FAM117B: variants seen among roughly 807,000 people sequenced by gnomAD.
FAM117B encodes the protein protein FAM117B.
A neutral mutation model predicts 52.8 loss-of-function variants in FAM117B; 22 were observed. The ratio of observed to expected loss-of-function variants is 0.42; its 90% CI spans 0.30 to 0.59. The LOEUF is 0.59. Among genes scored for constraint, FAM117B ranks in the 20% least tolerant of loss-of-function variants. FAM117B has a pLI of 0.22. For missense variants in FAM117B, 678 were observed against 802.6 expected (o/e 0.84, Z 1.88); for synonymous variants, 309 against 324.1 (o/e 0.95, Z 0.50).
intron 1 of FAM117B, among the ~76,000 whole-genome samples, chr2:202,645,634 C>G (rs565633227): frequency 6.7e-6 from 1 of 150,182 alleles, no homozygotes; most frequent in South Asian, 2.1e-4. Flanking sequence ...GACGGAGTCT[C>G]GCTCTGTCGC....
intron 1 of FAM117B, among the ~76,000 whole-genome samples, 181 bp downstream of exon 1, chr2:202,635,969 C>G (rs1436772205): frequency 1.3e-5 from 2 of 150,402 alleles, no homozygotes; most frequent in Non-Finnish European, 3.0e-5. Flanking sequence ...CCGGGCCTAC[C>G]CTACGCCCCG....
intron 1 of FAM117B, among the ~76,000 whole-genome samples, chr2:202,674,306 A>G (rs1416183482): frequency 6.6e-6 from 1 of 152,262 alleles, no homozygotes; most frequent in East Asian, 1.9e-4. Flanking sequence ...TGTGGAACAC[A>G]TAATAACGCT....
Position 202,706,848 on chromosome 2 carries a change from G to A in FAM117B, c.753+10816G>A, listed in dbSNP as rs559275311. Among the ~76,000 whole-genome samples, 11 of 152,150 alleles carry A rather than the reference G, an allele frequency of 7.2e-5. No individual in the cohort carries two copies. The East Asian group carries it at 2.1e-3, about 29-fold the overall frequency. On this transcript the variant is annotated intron_variant, in intron 2 of 7. Transcript: ENST00000392238. ...GAAATGTTAAAATCTTTTTTTGGGG[G>A]CCTAAATTCAGTGACTTCAGTGTAA...
At position 202,749,610 on chromosome 2, in the gene FAM117B, A is replaced by T. The variant is rs531719002; in HGVS notation, c.961-5928A>T. Reference sequence around the variant, plus strand: ...ATTTAATTTTCTTTCTTCACTGAATATTTTTTTTACTTTTGCAATAAAGAA... The same window carrying T: ...ATTTAATTTTCTTTCTTCACTGAATTTTTTTTTTACTTTTGCAATAAAGAA... On this transcript the variant is annotated intron_variant, in intron 4 of 7. Coordinates refer to ENST00000392238, the MANE Select transcript of FAM117B (RefSeq NM_173511.4). Among the ~76,000 whole-genome samples, 24 of 151,828 alleles carry T rather than the reference A, an allele frequency of 1.6e-4. 1 individual carries two copies. The South Asian group carries it at 2.7e-3, about 17-fold the overall frequency.
chr2:202,741,954 C>T (rs1691548830), intron 4 of FAM117B, among the ~76,000 whole-genome samples: 1 of 152,120 alleles, frequency 6.6e-6, no homozygotes, highest in African/African-American at 2.4e-5. Context: ...TTTACAGTAG[C>T]AGCAAAAACA....
chr2:202,749,688 G>A (rs1691692002), intron 4 of FAM117B, among the ~76,000 whole-genome samples: 1 of 152,208 alleles, frequency 6.6e-6, no homozygotes, highest in East Asian at 1.9e-4. Flanking sequence ...TGTACTTTGG[G>A]AGGTCAAGGC....
intron 1 of FAM117B, among the ~76,000 whole-genome samples, chr2:202,674,458 G>A (rs949852475): frequency 2.6e-5 from 4 of 152,194 alleles, no homozygotes; most frequent in African/African-American, 4.8e-5. Context: ...TTTGAACCAC[G>A]TCTGGATGGT....
intron 4 of FAM117B, among the ~76,000 whole-genome samples, chr2:202,744,146 C>A (rs1691593303): frequency 6.7e-6 from 1 of 148,806 alleles, no homozygotes; most frequent in Non-Finnish European, 1.5e-5. Context: ...GTAAGAGAAT[C>A]CCCGTCTGTC....
At chr2:202,707,435 G>A (rs955402654) in intron 2 of FAM117B, among the ~76,000 whole-genome samples, 1 of 152,026 alleles carries the variant, frequency 6.6e-6, no homozygotes, top group Non-Finnish European at 1.5e-5. Flanking sequence ...CAGGCATGGT[G>A]GCTTATGCCT....
chr2:202,736,533 G>C (rs1691439058), intron 4 of FAM117B, among the ~76,000 whole-genome samples: 1 of 152,170 alleles, frequency 6.6e-6, no homozygotes, highest in African/African-American at 2.4e-5. Flanking sequence ...GTTCGACGTA[G>C]ATGGATCACT....
intron 1 of FAM117B, among the ~76,000 whole-genome samples, chr2:202,677,689 G>C (rs1341234572): frequency 6.6e-6 from 1 of 152,136 alleles, no homozygotes; most frequent in African/African-American, 2.4e-5. Flanking sequence ...AATCTGGAGG[G>C]TAGGATTAAT....
At chr2:202,759,098 C>A (rs896906039) in intron 6 of FAM117B, 135 bp from the exon 7 acceptor site, 6 of 911,340 alleles carry the variant, frequency 6.6e-6, no homozygotes, top group Non-Finnish European at 9.7e-6. Context: ...ATTTATTTAA[C>A]AAACATTAAT....
chr2:202,741,404 A>C, intron 4 of FAM117B, among the ~76,000 whole-genome samples: 1 of 119,522 alleles, frequency 8.4e-6, no homozygotes. Context: ...GTGACAGAGC[A>C]AGACTCTGTC....
rs547070821 is a variant in FAM117B, at chr2:202,724,150, C to T, written c.754-767C>T. The stretch of plus-strand genomic sequence containing the variant: ...TCGGCTCACTGCAATCTCCACCTCC[C>T]GGGTTCAAGCGATTCTCCTGCCTCA... On this transcript the variant is annotated intron_variant, in intron 2 of 7. Coordinates refer to ENST00000392238, the MANE Select transcript of FAM117B (RefSeq NM_173511.4). 2.0e-5 allele frequency among the ~76,000 whole-genome samples: 3 copies of T among 150,426 alleles called. No homozygotes were observed. In the Admixed American group the frequency reaches 2.0e-4, roughly 10 times the overall value.
chr2:202,647,742 G>C (rs1293981821), intron 1 of FAM117B, among the ~76,000 whole-genome samples: 2 of 152,148 alleles, frequency 1.3e-5, no homozygotes, highest in Non-Finnish European at 2.9e-5. Flanking sequence ...AAACAACTTG[G>C]TTGAAAACTT....
chr2:202,682,433 A>T (rs973136092), intron 1 of FAM117B, among the ~76,000 whole-genome samples: 1 of 152,170 alleles, frequency 6.6e-6, no homozygotes, highest in Non-Finnish European at 1.5e-5. Context: ...CAGTCGCCCA[A>T]CCACTGCACT....
intron 1 of FAM117B, among the ~76,000 whole-genome samples, chr2:202,652,542 C>T (rs1162456243): frequency 6.6e-6 from 1 of 152,164 alleles, no homozygotes. Flanking sequence ...CAAAGAAGAA[C>T]ATATGTAGTA....
chr2:202,649,535 G>GTTAT (rs150709878), intron 1 of FAM117B, among the ~76,000 whole-genome samples: 1 of 151,798 alleles, frequency 6.6e-6, no homozygotes, highest in Non-Finnish European at 1.5e-5. Flanking sequence ...GTAATGCTTT[G>GTTAT]TTATTTATTT....
At chr2:202,725,103 T>C (rs1691220018) in intron 3 of FAM117B, 94 bp downstream of exon 3, 4 of 875,944 alleles carry the variant, frequency 4.6e-6, no homozygotes, top group Non-Finnish European at 7.0e-6. Flanking sequence ...TTTGTCGTTT[T>C]CCATTGATTT....
Sources: gnomAD v4.1 joint callset for allele counts (sites outside exome capture counted in the v4.1 genomes callset) on GRCh38, gnomAD v4.1.1 for gene constraint, MANE v1.5 for transcripts, NCBI Gene and HGNC (gene_info 2026-07-23, HGNC 2026-07-21) for gene names.